ANKFY1: variants seen among roughly 807,000 people sequenced by gnomAD.
ANKFY1 encodes ankyrin repeat and FYVE domain containing 1, also known as ankyrin repeat and FYVE domain-containing protein 1.
A neutral mutation model predicts 128.3 loss-of-function variants in ANKFY1; 47 were observed. The ratio of observed to expected loss-of-function variants is 0.37; its 90% CI spans 0.29 to 0.47. The LOEUF is 0.47. Among genes scored for constraint, ANKFY1 ranks in the 20% least tolerant of loss-of-function variants. The pLI, the probability that ANKFY1 is intolerant of heterozygous loss-of-function variation, is 1.00. For missense variants in ANKFY1, 1,222 were observed against 1,510.6 expected, an observed-to-expected ratio of 0.81 and a Z score of 3.17; for synonymous variants, 553 against 601.6, an observed-to-expected ratio of 0.92 and a Z score of 1.18.
At chr17:4,249,227 G>T in intron 1 of ANKFY1, 1 of 465,948 alleles carries the variant, frequency 2.1e-6, no homozygotes, top group Non-Finnish European at 2.8e-6. Context: ...GAGCCATACA[G>T]TCTCTGGGGC....
intron 3 of ANKFY1, among the ~76,000 whole-genome samples, chr17:4,218,606 A>G (rs993066603): frequency 3.3e-5 from 5 of 152,206 alleles, no homozygotes; most frequent in African/African-American, 1.2e-4. Context: ...AAATTACACC[A>G]AAATCTCAGA....
rs1317334570 is a variant in ANKFY1, at chr17:4,208,075, A to T, written c.590T>A (p.Leu197Gln). 1 of 1,603,738 alleles carries T rather than the reference A, an allele frequency of 6.2e-7. No individual in the cohort carries two copies. Among genetic ancestry groups the T allele is most frequent in the Non-Finnish European group, 8.5e-7 (1 of 1,176,066 alleles). The change falls in exon 6 of 25, where the codon CTG becomes CAG. Residue 197 changes from leucine to glutamine, a missense_variant. Coordinates refer to ENST00000341657, the MANE Select transcript of ANKFY1 (RefSeq NM_001330063.2). Reference protein sequence around the residue: ...AEIIASHWDDLRKEDFSSMSA... With the variant: ...AEIIASHWDDQRKEDFSSMSA... ...CATGCTGCTGAAATCCTCCTTCCTC[A>T]GGTCGTCCTGAGAATTCACAACACA...
chr17:4,231,659 A>G (rs577412426), intron 3 of ANKFY1, among the ~76,000 whole-genome samples: 1 of 151,958 alleles, frequency 6.6e-6, no homozygotes, highest in Non-Finnish European at 1.5e-5. Flanking sequence ...CTCATAATCA[A>G]GGCTGTGTGC....
At chr17:4,222,176 C>G (rs952859114) in intron 3 of ANKFY1, 8 of 148,298 alleles carry the variant, frequency 5.4e-5, no homozygotes. Flanking sequence ...CCGCCGCCGC[C>G]GCTGCTGCTA....
intron 7 of ANKFY1, among the ~76,000 whole-genome samples, chr17:4,199,147 G>C (rs531343231): frequency 1.6e-4 from 24 of 152,254 alleles, no homozygotes; most frequent in Admixed American, 1.6e-3. Flanking sequence ...GTGACAGAGA[G>C]AGATCCTGAC....
Position 4,178,838 on chromosome 17 carries a change from T to C in ANKFY1, c.2598+19A>G. 6.2e-7 allele frequency: 1 copy of C among 1,611,484 alleles called. No individual in the cohort carries two copies. The highest frequency in any genetic ancestry group is 1.7e-4 in the Middle Eastern group (1 of 5,830). On this transcript the variant is annotated intron_variant, in intron 18 of 24. Transcript: ENST00000341657. The surrounding 1 kb of genome is among the most constrained non-coding windows in gnomAD (Gnocchi z 4.1). ...GACGCCCAGGACCATGTGGAGAAGG[T>C]CAGGTGTTATTCACTCACCTGCTCA...
intron 7 of ANKFY1, 35 bp downstream of exon 7, chr17:4,206,286 A>G (rs760472069): frequency 1.3e-6 from 2 of 1,591,262 alleles, no homozygotes; most frequent in African/African-American, 2.7e-5. Context: ...TAAAAATAAA[A>G]TTGCCTGCAG....
intron 3 of ANKFY1, among the ~76,000 whole-genome samples, chr17:4,217,377 T>A (rs1029656016): frequency 5.9e-5 from 9 of 152,110 alleles, no homozygotes; most frequent in Non-Finnish European, 1.3e-4. Flanking sequence ...TGAAACCCCA[T>A]GTCTACTAAA....
At chr17:4,186,939 C>T (rs938425138) in intron 11 of ANKFY1, 3 of 1,166,702 alleles carry the variant, frequency 2.6e-6, no homozygotes, top group Non-Finnish European at 3.2e-6. Context: ...TTTATTCCCA[C>T]ACACAGGCTC....
chr17:4,172,004 T>C (rs1346862818), intron 22 of ANKFY1, among the ~76,000 whole-genome samples: 2 of 152,106 alleles, frequency 1.3e-5, no homozygotes, highest in Middle Eastern at 3.2e-3. Flanking sequence ...GAGGCTGCCG[T>C]GAGTCCTCGG....
chr17:4,182,105 T>C (rs765440548), intron 15 of ANKFY1, 76 bp downstream of exon 15: 13 of 1,321,476 alleles, frequency 9.8e-6, no homozygotes, highest in Non-Finnish European at 1.3e-5. Context: ...CTGTGACAGC[T>C]ACGCAGGCAG....
chr17:4,182,060 C>T, intron 15 of ANKFY1, 121 bp downstream of exon 15: 3 of 1,047,814 alleles, frequency 2.9e-6, no homozygotes, highest in Non-Finnish European at 3.8e-6. Flanking sequence ...AACTGCTTGT[C>T]CTTGTCCCAC....
At chr17:4,189,069 C>T (rs1269992845) in intron 11 of ANKFY1, among the ~76,000 whole-genome samples, 1 of 152,194 alleles carries the variant, frequency 6.6e-6, no homozygotes, top group Non-Finnish European at 1.5e-5. Flanking sequence ...GAATCAAATG[C>T]TATCGCGGTA....
chr17:4,208,333 C>T (rs1007845741), intron 5 of ANKFY1, among the ~76,000 whole-genome samples: 2 of 152,178 alleles, frequency 1.3e-5, no homozygotes, highest in Non-Finnish European at 2.9e-5. Flanking sequence ...GGCTGGGGAA[C>T]CAGAAGGCTG....
chr17:4,184,007 A>G, intron 12 of ANKFY1, 97 bp from the exon 13 acceptor site: 3 of 985,788 alleles, frequency 3.0e-6, no homozygotes, highest in African/African-American at 3.2e-5. Context: ...CCTGTTGGGT[A>G]TAATATGATC....
chr17:4,185,086 G>A, intron 11 of ANKFY1, 40 bp from the exon 12 acceptor site: 3 of 1,572,598 alleles, frequency 1.9e-6, no homozygotes, highest in Non-Finnish European at 2.6e-6. Flanking sequence ...GCACTCACAG[G>A]AATTCCCTTC....
intron 11 of ANKFY1, chr17:4,187,664 T>G (rs536259842): frequency 5.4e-5 from 9 of 165,842 alleles, no homozygotes; most frequent in South Asian, 4.0e-4. Flanking sequence ...GGAGGTTTTT[T>G]TTTGTTTGTT....
At chr17:4,223,347 T>G in intron 3 of ANKFY1, 3 of 1,571,296 alleles carry the variant, frequency 1.9e-6, no homozygotes, top group Admixed American at 1.7e-5. Context: ...CAACAAGACC[T>G]GGTACACATG....
intron 4 of ANKFY1, among the ~76,000 whole-genome samples, chr17:4,211,918 A>G (rs2060138722): frequency 3.4e-5 from 1 of 29,244 alleles, no homozygotes; most frequent in Non-Finnish European, 8.7e-4. Context: ...AAACAAACAA[A>G]CAAACAAAAA....
Sources: gnomAD v4.1 joint callset for allele counts (sites outside exome capture counted in the v4.1 genomes callset) on GRCh38, gnomAD v4.1.1 for gene constraint, Gnocchi (gnomAD v3.1) non-coding constraint, MANE v1.5 for transcripts, NCBI Gene and HGNC (gene_info 2026-07-23, HGNC 2026-07-21) for gene names.